Variants in FBXL19 observed in about 807,000 individuals in gnomAD.
FBXL19 encodes the protein F-box and leucine rich repeat protein 19, also known as F-box/LRR-repeat protein 19.
Under a neutral mutation model 71.2 loss-of-function variants are expected in FBXL19, and 16 were observed. The observed-to-expected ratio is 0.22, with a 90% CI of 0.15 to 0.34. FBXL19 has a LOEUF of 0.34. FBXL19 is among the 10% of genes least tolerant of loss of function. FBXL19 has a pLI of 1.00. For synonymous variants in FBXL19, 447 were observed against 409.4 expected (o/e 1.09, Z -1.11); for missense variants, 658 against 968.2 (o/e 0.68, Z 4.25).
In FBXL19 at chr16:30,923,723, A is replaced by C; in HGVS notation, c.-761A>C. Among the ~76,000 whole-genome samples the C allele has an allele frequency of 6.9e-6, 1 of 144,760 alleles. No individual in the cohort carries two copies. The highest frequency in any genetic ancestry group is 1.5e-5 in the Non-Finnish European group (1 of 66,162). The allele number at this position is 144,760 out of a possible 152,430, so 95.0% of individuals were successfully genotyped here. A position where few individuals can be genotyped will look rare whatever the true frequency, so the allele number is the denominator to read the frequency against. On this transcript the variant is annotated 5_prime_UTR_variant, in exon 1 of 11. Transcript: ENST00000338343. ...CTCTCCCCCTCTATCCTTTCCTTCC[A>C]CCCTCCCGCTTGAGGAGGGGGATTT...
chr16:30,941,341 G>A lies in FBXL19; in HGVS notation c.1302-775G>A, dbSNP rs528713437. Among the ~76,000 whole-genome samples, 16 of 152,234 alleles carry A rather than the reference G, an allele frequency of 1.1e-4. No homozygotes were observed. The Middle Eastern group carries it at 0.01, about 97-fold the overall frequency. On this transcript the variant is annotated intron_variant, in intron 7 of 10. Transcript: ENST00000338343. ...AAAATTGTTTAAAAATTAGCCAGGC[G>A]TGGTGACATGTGCCTGTGGTCCCAG...
At position 30,942,494 on chromosome 16, in the gene FBXL19, C is replaced by T; in HGVS notation, c.1585C>T (p.Gln529Ter). ...CTGGATCGAGGATGTTAAAGACTCC[C>T]AGCTCCGGGAGTTGCTGCTGCCTCC... ...LRWIEDVKDS[Q>*]LRELLLPPPD... The change falls in exon 9 of 11, where the codon CAG (glutamine) becomes TAG (stop). Residue 529 changes from glutamine (Q) to a stop codon, truncating the protein, a stop_gained. Transcript: ENST00000338343. LOFTEE classifies it high-confidence loss of function. The surrounding 1 kb of genome is among the most constrained non-coding windows in gnomAD (Gnocchi z 5.7). 6.3e-7 allele frequency: 1 copy of T among 1,596,742 alleles called. No homozygotes were observed. The highest frequency in any genetic ancestry group is 8.5e-7 in the Non-Finnish European group (1 of 1,172,120).
At chr16:30,937,356 G>C (rs937225277) in intron 7 of FBXL19, among the ~76,000 whole-genome samples, 1 of 151,960 alleles carries the variant, frequency 6.6e-6, no homozygotes. Flanking sequence ...CGGAGTCTCA[G>C]GTCAGGCATT....
In FBXL19 at chr16:30,946,376, G is replaced by T. The variant is rs2055858737; in HGVS notation, c.1628-354G>T. Among the ~76,000 whole-genome samples, 1 of 152,056 alleles carries T rather than the reference G, an allele frequency of 6.6e-6. No homozygotes were observed. Among genetic ancestry groups the T allele is most frequent in the South Asian group, 2.1e-4 (1 of 4,834 alleles). On this transcript the variant is annotated intron_variant, in intron 9 of 10. Transcript: ENST00000338343. This position sits in a 1 kb window ranked among gnomAD's most constrained non-coding sequence, Gnocchi z 6.7. ...CTGCCACCATACCCGGCTAATTTTTGTATGTTGAGTAGAGACAAGGTTTTG... is the reference window on the plus strand; with the variant it reads ...CTGCCACCATACCCGGCTAATTTTTTTATGTTGAGTAGAGACAAGGTTTTG...
rs1160590349 is a variant in FBXL19 at position 30,942,636 on chromosome 16, G to A, written c.1627+100G>A. ...ACTCATGCTGGATGGTAAAGTATTT[G>A]AAGAAAGGAAAGAATACATGAGTTT... On this transcript the variant is annotated intron_variant, in intron 9 of 10. Coordinates refer to ENST00000338343, the MANE Select transcript of FBXL19 (RefSeq NM_001382779.1). This position sits in a 1 kb window ranked among gnomAD's most constrained non-coding sequence, Gnocchi z 5.7. 7.7e-6 allele frequency: 11 copies of A among 1,433,000 alleles called. No individual in the cohort carries two copies. Among genetic ancestry groups the A allele is most frequent in the Non-Finnish European group, 1.0e-5 (11 of 1,095,262 alleles). 88.8% of individuals were successfully genotyped at this position (1,433,000 alleles called of 1,614,324 possible).
In FBXL19 at chr16:30,930,306, T is replaced by A. The variant is rs1394496705; in HGVS notation, c.1023T>A (p.Ser341=). 4 of 1,610,128 alleles carry A rather than the reference T, an allele frequency of 2.5e-6. No homozygotes were observed. Reference sequence around the variant, plus strand: ...GGCGACGGCCAGCCCGGGGCAGCTCTGGCGAGAAGGAGAACCGTGGGGGGC... The same window carrying A: ...GGCGACGGCCAGCCCGGGGCAGCTCAGGCGAGAAGGAGAACCGTGGGGGGC... The part of the protein sequence containing the change: ...RNGRRPARGS[S]GEKENRGGRR... The change falls in exon 7 of 11, where the codon TCT becomes TCA. Residue 341 remains serine (S), a synonymous_variant. Transcript: ENST00000338343. The surrounding 1 kb of genome is among the most constrained non-coding windows in gnomAD (Gnocchi z 8.5).
chr16:30,923,301 C>CT (rs757425828), upstream of FBXL19: 124 of 434,516 alleles, frequency 2.9e-4, no homozygotes, highest in Non-Finnish European at 5.0e-4. Flanking sequence ...CAACGGGACT[C>CT]TAACTCCCGG....
rs1311792263 is a variant in FBXL19 at position 30,927,736 on chromosome 16, C to T, written c.409-9C>T. On this transcript the variant is annotated splice_polypyrimidine_tract_variant and intron_variant, in intron 4 of 10. Transcript: ENST00000338343. ...GCAGGTCCTCACCCCCAGCTTCTGT[C>T]CCGCCTAGGATTCAGGTGAGGGGCC... The T allele has an allele frequency of 1.1e-5, 17 of 1,556,624 alleles. No homozygotes were observed. In the Admixed American group the frequency reaches 3.1e-4, roughly 29 times the overall value.
intron 1 of FBXL19, 125 bp downstream of exon 1, chr16:30,924,584 T>G: frequency 1.5e-6 from 2 of 1,346,690 alleles, no homozygotes; most frequent in Non-Finnish European, 1.9e-6. Flanking sequence ...CAAACTCATC[T>G]CCAGCCCTCC....
intron 7 of FBXL19, among the ~76,000 whole-genome samples, chr16:30,934,517 G>A (rs938069541): frequency 3.3e-5 from 5 of 152,132 alleles, no homozygotes; most frequent in Admixed American, 6.6e-5. Flanking sequence ...AATTAGCTGG[G>A]CATGGTGGTG....
chr16:30,940,220 T>C, intron 7 of FBXL19, among the ~76,000 whole-genome samples: 1 of 150,660 alleles, frequency 6.6e-6, no homozygotes, highest in Non-Finnish European at 1.5e-5. Flanking sequence ...ATCACACCAT[T>C]GCACTCCAGC....
chr16:30,934,864 AAAGATACACG>A (rs2055714241), intron 7 of FBXL19, among the ~76,000 whole-genome samples: 1 of 152,120 alleles, frequency 6.6e-6, no homozygotes, highest in African/African-American at 2.4e-5. Flanking sequence ...TGCTCAGGAG[AAAGATACACG>A]TTTGGGAGTT....
chr16:30,925,918 G>A lies in FBXL19; in HGVS notation c.164G>A (p.Arg55Gln). The change falls in exon 2 of 11, where the codon CGG (arginine) becomes CAG (glutamine). Residue 55 changes from arginine to glutamine, a missense_variant. This residue lies in a region of FBXL19 where 33 missense variants were observed against 75.4 expected (regional missense o/e 0.44). Coordinates refer to ENST00000338343, the MANE Select transcript of FBXL19 (RefSeq NM_001382779.1). The surrounding 1 kb of genome is among the most constrained non-coding windows in gnomAD (Gnocchi z 5.0). Reference protein sequence around the residue: ...PGRMKQSCLLRQCTAPVLPHT... With the variant: ...PGRMKQSCLLQQCTAPVLPHT... Reference sequence around the variant, plus strand: ...CGCATGAAGCAGTCGTGCCTGCTCCGGCAGTGCACTGCCGTGAGTTCTGCC... The same window carrying A: ...CGCATGAAGCAGTCGTGCCTGCTCCAGCAGTGCACTGCCGTGAGTTCTGCC... 6.7e-7 allele frequency: 1 copy of A among 1,491,610 alleles called. No homozygotes were observed. The highest frequency in any genetic ancestry group is 8.9e-7 in the Non-Finnish European group (1 of 1,126,182). 92.4% of individuals were successfully genotyped at this position (1,491,610 alleles called of 1,614,324 possible).
intron 9 of FBXL19, among the ~76,000 whole-genome samples, chr16:30,943,197 T>A (rs1322669064): frequency 6.6e-6 from 1 of 152,116 alleles, no homozygotes; most frequent in African/African-American, 2.4e-5. Context: ...CTTTTGTTTG[T>A]TTTTGTTTTT....
chr16:30,936,351 C>T (rs928387934), intron 7 of FBXL19, among the ~76,000 whole-genome samples: 13 of 152,116 alleles, frequency 8.5e-5, no homozygotes, highest in African/African-American at 3.1e-4. Flanking sequence ...TCCACCCAGA[C>T]GGGCTAGGTG....
intron 7 of FBXL19, among the ~76,000 whole-genome samples, chr16:30,931,013 G>C (rs2055666995): frequency 6.6e-6 from 1 of 152,094 alleles, no homozygotes; most frequent in Non-Finnish European, 1.5e-5. Flanking sequence ...AAAACAGTCT[G>C]ACGATTGGTT....
intron 7 of FBXL19, among the ~76,000 whole-genome samples, chr16:30,936,649 T>C (rs2055738949): frequency 6.9e-6 from 1 of 144,882 alleles, no homozygotes; most frequent in African/African-American, 2.6e-5. Flanking sequence ...GGTTTCACCA[T>C]GTTAGCCAGG....
rs1336991490 is a variant in FBXL19 at position 30,924,296 on chromosome 16, C to G, written c.-188C>G. 6.6e-6 allele frequency: 1 copy of G among 152,518 alleles called. No homozygotes were observed. Among genetic ancestry groups the G allele is most frequent in the African/African-American group, 2.4e-5 (1 of 41,418 alleles). 9.4% of individuals were successfully genotyped at this position (152,518 alleles called of 1,614,324 possible). A position where few individuals can be genotyped will look rare whatever the true frequency, so the allele number is the denominator to read the frequency against. On this transcript the variant is annotated 5_prime_UTR_variant, in exon 1 of 11. Coordinates refer to ENST00000338343, the MANE Select transcript of FBXL19 (RefSeq NM_001382779.1). ...GCCCCCCATCTCCACTCGCCGCCGT[C>G]CCGGCCTCCGCCGGAGGGAGGGGCC... is the stretch of plus-strand genomic sequence containing the variant.
At chr16:30,923,372 C>G, upstream of FBXL19, 1 of 383,910 alleles carries the variant, frequency 2.6e-6, no homozygotes, top group Non-Finnish European at 5.3e-6. Context: ...CCGCTGTCCC[C>G]AGCGTCCTAT....
Sources: gnomAD v4.1 joint callset for allele counts (sites outside exome capture counted in the v4.1 genomes callset) on GRCh38, gnomAD v4.1.1 for gene constraint, gnomAD v4.1.1 regional missense constraint, Gnocchi (gnomAD v3.1) non-coding constraint, MANE v1.5 for transcripts, NCBI Gene and HGNC (gene_info 2026-07-23, HGNC 2026-07-21) for gene names.